Variants in ABCC1 observed in about 807,000 individuals in gnomAD.
The protein encoded by ABCC1 is ATP binding cassette subfamily C member 1 (ABCC1 blood group).
In ABCC1, 83 loss-of-function variants were observed where a neutral mutation model predicts 172.9. The observed-to-expected ratio is 0.48, with a 90% confidence interval of 0.40 to 0.58. The LOEUF is 0.58. Ranked by LOEUF, ABCC1 falls within the 20% of genes least tolerant of loss-of-function variation. The probability of loss-of-function intolerance (pLI) is 0.00; values close to 1 mark genes in which losing one functional copy is unlikely to be tolerated. For synonymous variants in ABCC1, 937 were observed against 825.2 expected (o/e 1.14, Z -2.32); for missense variants, 1,817 against 2,002.7 (o/e 0.91, Z 1.77).
chr16:16,024,989 A>G (rs1228246393), intron 5 of ABCC1, among the ~76,000 whole-genome samples: 3 of 151,960 alleles, frequency 2.0e-5, no homozygotes, highest in Non-Finnish European at 2.9e-5. Flanking sequence ...ACATAGTGAG[A>G]CCCCATCTCT....
intron 18 of ABCC1, among the ~76,000 whole-genome samples, chr16:16,087,475 G>A (rs2051056754): frequency 6.6e-6 from 1 of 151,696 alleles, no homozygotes; most frequent in South Asian, 2.1e-4. Context: ...TTATTTTTTT[G>A]AGGTGGAGTT....
chr16:16,048,031 T>C (rs1279101313), intron 9 of ABCC1, 111 bp from the exon 10 acceptor site: 20 of 1,343,608 alleles, frequency 1.5e-5, no homozygotes, highest in Non-Finnish European at 2.1e-5. Context: ...GGAGGAGAGA[T>C]CTGCGGCATT....
intron 17 of ABCC1, 55 bp downstream of exon 17, chr16:16,083,597 A>G: frequency 6.3e-7 from 1 of 1,580,512 alleles, no homozygotes; most frequent in Non-Finnish European, 8.7e-7. Context: ...CCGCGTAACA[A>G]ATGCTCTCAC....
intron 1 of ABCC1, among the ~76,000 whole-genome samples, chr16:15,990,816 A>ATTTTTTTTTTTTT (rs57111358): frequency 1.7e-5 from 2 of 118,210 alleles, no homozygotes; most frequent in African/African-American, 6.4e-5. Context: ...CGCCCGGCTA[A>ATTTTTTTTTTTTT]TTTTTTTTTT....
In ABCC1 at chr16:16,079,383, G is replaced by C. The variant is rs1209220672; in HGVS notation, c.2020G>C (p.Val674Leu). ...CTTCTCCATCCCCGAAGGTGCTTTG[G>C]TGGCCGTGGTGGGCCAGGTGGGCTG... ...ITFSIPEGAL[V>L]AVVGQVGCGK... Residue 674 changes from valine (V) to leucine (L), a missense_variant, in exon 16 of 31, where the codon GTG becomes CTG. Transcript: ENST00000399410. The C allele has an allele frequency of 2.5e-6, 4 of 1,614,026 alleles. No homozygotes were observed. The highest frequency in any genetic ancestry group is 3.4e-6 in the Non-Finnish European group (4 of 1,179,912).
intron 5 of ABCC1, among the ~76,000 whole-genome samples, chr16:16,025,279 TGACA>T (rs1202635609): frequency 6.6e-6 from 1 of 152,146 alleles, no homozygotes; most frequent in Non-Finnish European, 1.5e-5. Context: ...TCTCCCCACT[TGACA>T]GATGAAGACA....
chr16:16,056,262 G>A lies in ABCC1; in HGVS notation c.1644G>A (p.Val548=). ...AGAAGTCTGCCTACCTGTCAGCCGT[G>A]GGCACCTTCACCTGGGTCTGCACGC... is the stretch of plus-strand genomic sequence containing the variant. ...VLKKSAYLSA[V]GTFTWVCTPF... The change falls in exon 12 of 31, where the codon GTG becomes GTA. Residue 548 remains valine (V), a synonymous_variant. Transcript: ENST00000399410. 6 of 1,614,224 alleles carry A rather than the reference G, an allele frequency of 3.7e-6. No individual in the cohort carries two copies. The highest frequency in any genetic ancestry group is 5.1e-6 in the Non-Finnish European group (6 of 1,180,038).
intron 1 of ABCC1, among the ~76,000 whole-genome samples, chr16:15,955,897 A>G (rs1168952916): frequency 6.6e-6 from 1 of 152,168 alleles, no homozygotes; most frequent in Admixed American, 6.6e-5. Context: ...GGGGCTTAGT[A>G]AATAACAGTT....
chr16:16,050,876 C>T (rs2049402550), intron 10 of ABCC1, among the ~76,000 whole-genome samples: 1 of 151,814 alleles, frequency 6.6e-6, no homozygotes, highest in Non-Finnish European at 1.5e-5. Flanking sequence ...TGCACTCCTA[C>T]CTGGGTGACA....
At position 16,138,554 on chromosome 16, in the gene ABCC1, A is replaced by T. The variant is rs1198803874; in HGVS notation, c.4483A>T (p.Thr1495Ser). ...CCGGCTCAACACCATCATGGACTAC[A>T]CAAGGTGATGCCACTGGCACAGTGG... Reference protein sequence around the residue: ...AHRLNTIMDYTRVIVLDKGEI... With the variant: ...AHRLNTIMDYSRVIVLDKGEI... Residue 1495 changes from threonine (T) to serine (S), a missense_variant, in exon 30 of 31, where the codon ACA (threonine) becomes TCA (serine). Thr to Ser is a moderately conservative substitution (Grantham distance 58). Coordinates refer to ENST00000399410, the MANE Select transcript of ABCC1 (RefSeq NM_004996.4). 6.3e-7 allele frequency: 1 copy of T among 1,582,418 alleles called. No individual in the cohort carries two copies. The highest frequency in any genetic ancestry group is 1.3e-5 in the African/African-American group (1 of 74,380).
intron 26 of ABCC1, among the ~76,000 whole-genome samples, chr16:16,130,712 C>T (rs992024598): frequency 2.0e-5 from 3 of 152,136 alleles, no homozygotes; most frequent in Non-Finnish European, 2.9e-5. Flanking sequence ...TTCTTTGTTC[C>T]GTAGGAAGTC....
chr16:15,949,216 G>C (rs924165719), upstream of ABCC1, among the ~76,000 whole-genome samples: 1 of 151,980 alleles, frequency 6.6e-6, no homozygotes, highest in African/African-American at 2.4e-5. Flanking sequence ...GACTTTACAG[G>C]ATGAAATGAG....
rs2051032483 is a variant in ABCC1, at chr16:16,086,941, A to G, written c.2410A>G (p.Lys804Glu). 2 of 1,614,108 alleles carry G rather than the reference A, an allele frequency of 1.2e-6. No individual in the cohort carries two copies. Among genetic ancestry groups the G allele is most frequent in the African/African-American group, 1.3e-5 (1 of 74,946 alleles). ...PLSAVDAHVG[K>E]HIFENVIGPK... ...CTCAGCAGTGGATGCCCATGTGGGA[A>G]AACACATCTTTGAAAATGTGATTGG... Residue 804 changes from lysine (K) to glutamate (E), a missense_variant, in exon 18 of 31, where the codon AAA (lysine) becomes GAA (glutamate). Lys to Glu is a moderately conservative substitution (Grantham distance 56). Coordinates refer to ENST00000399410, the MANE Select transcript of ABCC1 (RefSeq NM_004996.4).
At position 16,059,837 on chromosome 16, in the gene ABCC1, C is replaced by CA. The variant is rs548529873; in HGVS notation, c.1677+3551dup. 6.1e-3 allele frequency among the ~76,000 whole-genome samples: 903 copies of CA among 148,206 alleles called. 12 individuals carry two copies. Among genetic ancestry groups the CA allele is most frequent in the African/African-American group, 0.019 (783 of 40,256 alleles). ...CCCCCCACCCCCTCCCAGCCCCCCA[C>CA]AAAAAAAAATTAGCCAGGTGTGGTG... is the stretch of plus-strand genomic sequence containing the variant. On this transcript the variant is annotated intron_variant, in intron 12 of 30. Coordinates refer to ENST00000399410, the MANE Select transcript of ABCC1 (RefSeq NM_004996.4).
At chr16:15,992,502 C>T (rs1322856490) in intron 1 of ABCC1, among the ~76,000 whole-genome samples, 3 of 120,760 alleles carry the variant, frequency 2.5e-5, no homozygotes, top group African/African-American at 6.4e-5. Context: ...CAGGTTCCAG[C>T]GATTCTCCTG....
At chr16:16,115,888 A>C (rs192951123) in intron 23 of ABCC1, among the ~76,000 whole-genome samples, 3 of 150,490 alleles carry the variant, frequency 2.0e-5, no homozygotes, top group Non-Finnish European at 4.4e-5. Context: ...CAAGCCTTTC[A>C]TTCTTTCTTT....
intron 1 of ABCC1, among the ~76,000 whole-genome samples, chr16:15,999,830 C>CTTT (rs1297318278): frequency 1.8e-5 from 1 of 55,192 alleles, no homozygotes; most frequent in African/African-American, 7.0e-5. Context: ...CTCTCTCTCT[C>CTTT]TCTGTCTCTT....
intron 1 of ABCC1, among the ~76,000 whole-genome samples, chr16:15,964,880 C>A (rs963165999): frequency 6.6e-6 from 1 of 152,062 alleles, no homozygotes; most frequent in Non-Finnish European, 1.5e-5. Flanking sequence ...TATTTTCCAG[C>A]AATTTGTGTA....
chr16:16,071,955 T>TTGCAC (rs1458074849), intron 14 of ABCC1, among the ~76,000 whole-genome samples: 1 of 152,158 alleles, frequency 6.6e-6, no homozygotes, highest in Admixed American at 6.6e-5. Context: ...GAGGGTGAAC[T>TTGCAC]TGCACTTGCA....
Sources: allele counts gnomAD v4.1 joint callset (sites outside exome capture counted in the v4.1 genomes callset), GRCh38; gene constraint gnomAD v4.1.1; transcripts MANE v1.5; gene names NCBI Gene and HGNC (gene_info 2026-07-23, HGNC 2026-07-21).